The following MTMR7 variants were observed in gnomAD, a reference collection of about 807,000 sequenced individuals.
MTMR7 encodes the protein phosphatidylinositol-3-phosphate phosphatase MTMR7.
In MTMR7, 76 loss-of-function variants were observed where a neutral mutation model predicts 81.2. That is an observed-to-expected ratio of 0.94 (90% confidence interval 0.78 to 1.13). The LOEUF is 1.13. MTMR7 is among the 50% of genes most tolerant of loss of function. MTMR7 has a pLI of 0.00. For synonymous variants in MTMR7, 372 were observed against 289.8 expected (o/e 1.28, Z -2.88); for missense variants, 1,044 against 820.0 (o/e 1.27, Z -3.34).
chr8:17,341,481 C>A lies in MTMR7; in HGVS notation c.614G>T (p.Ser205Ile). ...ACTGAAGCCGGACAGGGGCTGGCTG[C>A]TCCGGCAGATGGAGGCCTAGGGGGA... ...YKDNHASICR[S>I]SQPLSGFSAR... is the part of the protein sequence containing the mutation. The change falls in exon 6 of 14, where the codon AGC becomes ATC. Residue 205 changes from serine to isoleucine, a missense_variant. Transcript: ENST00000180173. The A allele has an allele frequency of 6.2e-7, 1 of 1,613,868 alleles. No individual in the cohort carries two copies. Among genetic ancestry groups the A allele is most frequent in the East Asian group, 2.2e-5 (1 of 44,872 alleles).
At chr8:17,369,796 C>T (rs899286287) in intron 3 of MTMR7, among the ~76,000 whole-genome samples, 4 of 151,948 alleles carry the variant, frequency 2.6e-5, no homozygotes, top group East Asian at 3.9e-4. Flanking sequence ...CAGGCGCACA[C>T]TGCCACGCCC....
intron 1 of MTMR7, among the ~76,000 whole-genome samples, chr8:17,402,369 G>C (rs536007472): frequency 6.6e-6 from 1 of 151,950 alleles, no homozygotes; most frequent in Non-Finnish European, 1.5e-5. Context: ...TTCTGTAGCC[G>C]TTAACAATTG....
At chr8:17,302,361 T>TA in intron 12 of MTMR7, 81 bp from the exon 13 acceptor site, 16 of 1,425,402 alleles carry the variant, frequency 1.1e-5, no homozygotes, top group Non-Finnish European at 1.4e-5. Flanking sequence ...AAGGTATCTA[T>TA]GATACCACAG....
In MTMR7 at chr8:17,309,312, C is replaced by A. The variant is rs777364738; in HGVS notation, c.1116G>T (p.Lys372Asn). ...TLKGFMVLIE[K>N]DWISFGHKFN... ...ACTTATGACCAAAGGAAATCCAGTC[C>A]TTTTCAATTAATACCTACACAAGAA... The change falls in exon 10 of 14, where the codon AAG becomes AAT. Residue 372 changes from lysine (K) to asparagine (N), a missense_variant. Coordinates refer to ENST00000180173, the MANE Select transcript of MTMR7 (RefSeq NM_004686.5). 9 of 1,565,936 alleles carry A rather than the reference C, an allele frequency of 5.7e-6. No individual in the cohort carries two copies. The highest frequency in any genetic ancestry group is 1.1e-5 in the South Asian group (1 of 90,150).
At chr8:17,394,740 G>T (rs907340445) in intron 1 of MTMR7, among the ~76,000 whole-genome samples, 1 of 152,032 alleles carries the variant, frequency 6.6e-6, no homozygotes, top group South Asian at 2.1e-4. Context: ...ATATATACGT[G>T]GCAGAGTAAG....
intron 7 of MTMR7, among the ~76,000 whole-genome samples, chr8:17,323,947 G>C (rs1199505452): frequency 1.3e-5 from 2 of 152,090 alleles, no homozygotes; most frequent in Non-Finnish European, 2.9e-5. Context: ...ATTAATCTTT[G>C]AACTGTCTCA....
intron 4 of MTMR7, among the ~76,000 whole-genome samples, chr8:17,350,968 C>G (rs1251019518): frequency 1.3e-5 from 2 of 152,184 alleles, no homozygotes; most frequent in Non-Finnish European, 1.5e-5. Flanking sequence ...ACTCAGAGAG[C>G]TTTAGCTGGG....
Position 17,383,271 on chromosome 8 carries a change from G to GT in MTMR7, c.25-10032dup, listed in dbSNP as rs566285002. On this transcript the variant is annotated intron_variant, in intron 1 of 13. Coordinates refer to ENST00000180173, the MANE Select transcript of MTMR7 (RefSeq NM_004686.5). The stretch of plus-strand genomic sequence containing the variant: ...AAAAGCTTATGGCAAAGGAGGCAGC[G>GT]TAACTGTGGTGCGTTCCTTTTAACC... 9.2e-5 allele frequency among the ~76,000 whole-genome samples: 14 copies of GT among 152,162 alleles called. No homozygotes were observed. The East Asian group carries it at 2.7e-3, about 29-fold the overall frequency.
intron 1 of MTMR7, among the ~76,000 whole-genome samples, chr8:17,385,617 G>A (rs963523106): frequency 6.6e-6 from 1 of 152,134 alleles, no homozygotes; most frequent in Non-Finnish European, 1.5e-5. Flanking sequence ...CCAATCGCGG[G>A]TATGTCTTAA....
intron 9 of MTMR7, among the ~76,000 whole-genome samples, chr8:17,310,103 C>G (rs568825511): frequency 6.6e-6 from 1 of 152,110 alleles, no homozygotes; most frequent in Non-Finnish European, 1.5e-5. Context: ...TGAGCTCGAG[C>G]GATCCTCCCA....
intron 8 of MTMR7, chr8:17,311,845 C>T: frequency 3.1e-6 from 2 of 645,580 alleles, no homozygotes; most frequent in Admixed American, 3.0e-5. Flanking sequence ...CCATTCTATC[C>T]AGAAGCCACC....
chr8:17,373,410 A>G (rs527437909), intron 1 of MTMR7, among the ~76,000 whole-genome samples, 170 bp from the exon 2 acceptor site: 1 of 152,234 alleles, frequency 6.6e-6, no homozygotes, highest in Non-Finnish European at 1.5e-5. Context: ...TCAGAGTAGG[A>G]TTGTGTATAT....
At chr8:17,413,170 G>A (rs1382196204) in intron 1 of MTMR7, 99 bp downstream of exon 1, 10 of 1,370,904 alleles carry the variant, frequency 7.3e-6, no homozygotes, top group African/African-American at 5.7e-5. Flanking sequence ...GGCTCCGCCG[G>A]TGCCCCTCAA....
intron 11 of MTMR7, 57 bp from the exon 12 acceptor site, chr8:17,304,576 A>G: frequency 6.5e-7 from 1 of 1,540,638 alleles, no homozygotes; most frequent in Non-Finnish European, 8.9e-7. Context: ...CACACAGTAG[A>G]TATGTTATAT....
Position 17,299,698 on chromosome 8 carries a change from T to A in MTMR7, c.*164A>T. The A allele has an allele frequency of 1.2e-6, 1 of 856,322 alleles. No homozygotes were observed. Among genetic ancestry groups the A allele is most frequent in the Non-Finnish European group, 1.8e-6 (1 of 561,258 alleles). The allele number at this position is 856,322 out of a possible 1,614,324, so 53.0% of individuals were successfully genotyped here. A position where few individuals can be genotyped will look rare whatever the true frequency, so the allele number is the denominator to read the frequency against. ...TGAAATGACTACGTCCTCTTCAGTATCTAAGAAATCAAGAACTGGGCACTT... is the reference window on the plus strand; with the variant it reads ...TGAAATGACTACGTCCTCTTCAGTAACTAAGAAATCAAGAACTGGGCACTT... On this transcript the variant is annotated 3_prime_UTR_variant, in exon 14 of 14. Transcript: ENST00000180173.
chr8:17,395,851 C>T (rs1438919234), intron 1 of MTMR7, among the ~76,000 whole-genome samples: 2 of 152,032 alleles, frequency 1.3e-5, no homozygotes, highest in Non-Finnish European at 2.9e-5. Flanking sequence ...AACACCTAAG[C>T]ATAGAAACCA....
intron 1 of MTMR7, among the ~76,000 whole-genome samples, chr8:17,401,908 T>C (rs2150584187): frequency 6.6e-6 from 1 of 152,304 alleles, no homozygotes; most frequent in East Asian, 1.9e-4. Flanking sequence ...ATGCATATTA[T>C]GGATCTTATG....
At chr8:17,326,457 T>A (rs2239871) in intron 7 of MTMR7, 3 of 152,134 alleles carry the variant, frequency 2.0e-5, no homozygotes, top group South Asian at 2.1e-4. Flanking sequence ...ATAATGATCC[T>A]TGTGGTCACA....
chr8:17,374,729 CTTG>C (rs1820522637), intron 1 of MTMR7, among the ~76,000 whole-genome samples: 1 of 152,178 alleles, frequency 6.6e-6, no homozygotes, highest in Non-Finnish European at 1.5e-5. Context: ...AGGAAAATCA[CTTG>C]AACCCTGGAG....
Sources: gnomAD v4.1 joint callset for allele counts (sites outside exome capture counted in the v4.1 genomes callset) on GRCh38, gnomAD v4.1.1 for gene constraint, MANE v1.5 for transcripts, NCBI Gene and HGNC (gene_info 2026-07-23, HGNC 2026-07-21) for gene names.